MYO1E: variants seen among roughly 807,000 people sequenced by gnomAD.
MYO1E encodes unconventional myosin-Ie.
In MYO1E, 68 loss-of-function variants were observed where a neutral mutation model predicts 151.1. The ratio of observed to expected loss-of-function variants is 0.45; its 90% CI spans 0.37 to 0.55. MYO1E has a LOEUF of 0.55. MYO1E is among the 20% of genes least tolerant of loss of function. The pLI is 0.00. For missense variants in MYO1E, 1,363 were observed against 1,389.3 expected, an observed-to-expected ratio of 0.98 and a Z score of 0.30; for synonymous variants, 601 against 501.7, an observed-to-expected ratio of 1.20 and a Z score of -2.64.
chr15:59,211,831 A>G (rs1037551658), intron 12 of MYO1E, among the ~76,000 whole-genome samples: 3 of 151,700 alleles, frequency 2.0e-5, no homozygotes, highest in African/African-American at 7.3e-5. Context: ...CCCCACCTAC[A>G]CTGCTACCAT....
chr15:59,171,139 T>G (rs1485828903), intron 22 of MYO1E: 1 of 155,802 alleles, frequency 6.4e-6, no homozygotes, highest in Non-Finnish European at 1.5e-5. Context: ...AGTCTAGGAG[T>G]TCTTACCATG....
intron 3 of MYO1E, among the ~76,000 whole-genome samples, chr15:59,256,952 A>G (rs1596387554): frequency 6.6e-6 from 1 of 152,200 alleles, no homozygotes; most frequent in Admixed American, 6.5e-5. Flanking sequence ...CTTTAAAGGG[A>G]TAAGCTAGTT....
intron 4 of MYO1E, among the ~76,000 whole-genome samples, chr15:59,240,780 T>C (rs1463568838): frequency 2.0e-5 from 3 of 152,204 alleles, no homozygotes; most frequent in Non-Finnish European, 4.4e-5. Flanking sequence ...GAAATATCAC[T>C]TTTCCAACTT....
intron 1 of MYO1E, among the ~76,000 whole-genome samples, chr15:59,366,094 C>A (rs1260187688): frequency 6.6e-6 from 1 of 152,124 alleles, no homozygotes; most frequent in African/African-American, 2.4e-5. Context: ...TTCTCTCTGC[C>A]TCAGCCTCCC....
chr15:59,175,538 G>A (rs186402703), intron 19 of MYO1E, among the ~76,000 whole-genome samples: 6 of 152,278 alleles, frequency 3.9e-5, no homozygotes, highest in East Asian at 3.9e-4. Flanking sequence ...GAGGGACCAC[G>A]TAATTCCCCT....
At chr15:59,279,457 A>G (rs879771069) in intron 1 of MYO1E, among the ~76,000 whole-genome samples, 4 of 152,202 alleles carry the variant, frequency 2.6e-5, no homozygotes, top group Non-Finnish European at 4.4e-5. Context: ...ATCTGTGACC[A>G]ACTTGATCTC....
At chr15:59,268,720 A>ATTTTTTTTTTTTTTTTTGTTTTTTTT (rs2080271888) in intron 2 of MYO1E, among the ~76,000 whole-genome samples, 1 of 44,906 alleles carries the variant, frequency 2.2e-5, no homozygotes, top group African/African-American at 5.8e-5. Context: ...TGACTTTGGT[A>ATTTTTTTTTTTTTTTTTGTTTTTTTT]TTTTTTTTTT....
At chr15:59,156,079 G>A (rs2079508105) in intron 25 of MYO1E, among the ~76,000 whole-genome samples, 1 of 152,238 alleles carries the variant, frequency 6.6e-6, no homozygotes, top group Admixed American at 6.5e-5. Context: ...CTGGAGTGCA[G>A]TGGCATGATC....
At chr15:59,225,914 G>A (rs2079988207) in intron 7 of MYO1E, among the ~76,000 whole-genome samples, 1 of 152,028 alleles carries the variant, frequency 6.6e-6, no homozygotes, top group Non-Finnish European at 1.5e-5. Context: ...CCAAAGTGCT[G>A]GGATTACAGG....
chr15:59,274,755 G>A (rs1352411165), intron 1 of MYO1E, among the ~76,000 whole-genome samples: 2 of 152,142 alleles, frequency 1.3e-5, no homozygotes, highest in Admixed American at 6.5e-5. Context: ...ACTGCACAGA[G>A]ACACATTCCT....
chr15:59,151,209 C>A (rs144234658), intron 26 of MYO1E, among the ~76,000 whole-genome samples: 4 of 151,666 alleles, frequency 2.6e-5, no homozygotes, highest in Non-Finnish European at 5.9e-5. Flanking sequence ...AGGCAGATGA[C>A]GAGGTCAAGA....
chr15:59,205,184 C>T (rs1467822275), intron 15 of MYO1E, among the ~76,000 whole-genome samples: 2 of 152,104 alleles, frequency 1.3e-5, no homozygotes, highest in African/African-American at 4.8e-5. Flanking sequence ...ACACAGTGTT[C>T]CTATGTTGCC....
chr15:59,178,801 C>A (rs1391708499), intron 18 of MYO1E, among the ~76,000 whole-genome samples: 1 of 152,230 alleles, frequency 6.6e-6, no homozygotes, highest in South Asian at 2.1e-4. Context: ...AACCTGCGTA[C>A]TCTTTCTACC....
At chr15:59,252,307 G>C (rs1217467676) in intron 4 of MYO1E, among the ~76,000 whole-genome samples, 2 of 152,158 alleles carry the variant, frequency 1.3e-5, no homozygotes, top group Non-Finnish European at 2.9e-5. Flanking sequence ...GCCTAGCGGG[G>C]TGCGGTGCCT....
chr15:59,207,971 T>C, intron 14 of MYO1E: 1 of 1,614,106 alleles, frequency 6.2e-7, no homozygotes, highest in Non-Finnish European at 8.5e-7. Flanking sequence ...CCTTGTATCC[T>C]GGGAGAGAAC....
At chr15:59,175,515 C>T (rs2079619340) in intron 19 of MYO1E, among the ~76,000 whole-genome samples, 1 of 152,108 alleles carries the variant, frequency 6.6e-6, no homozygotes, top group African/African-American at 2.4e-5. Context: ...AACTCAAACT[C>T]CAAACACCAG....
At chr15:59,339,859 T>G (rs2080753142) in intron 1 of MYO1E, among the ~76,000 whole-genome samples, 1 of 151,124 alleles carries the variant, frequency 6.6e-6, no homozygotes, top group Admixed American at 6.6e-5. Context: ...TTTTGTTTTT[T>G]TTTTTTTTGA....
intron 25 of MYO1E, among the ~76,000 whole-genome samples, 199 bp downstream of exon 25, chr15:59,158,088 A>C (rs1174376054): frequency 6.6e-6 from 1 of 152,248 alleles, no homozygotes; most frequent in East Asian, 1.9e-4. Context: ...ACTCAGCCGC[A>C]GTTCAGTCTC....
At position 59,365,996 on chromosome 15, in the gene MYO1E, G is replaced by C. The variant is rs1339164177; in HGVS notation, c.3+6502C>G. The stretch of plus-strand genomic sequence containing the variant: ...TCTTCTTCCCTTCTTTCTCTCTTTT[G>C]AGACAGAGTTTCACTCTTGTTGCCC... On this transcript the variant is annotated intron_variant, in intron 1 of 27. Coordinates refer to ENST00000288235, the MANE Select transcript of MYO1E (RefSeq NM_004998.4). Among the ~76,000 whole-genome samples, 5 of 152,220 alleles carry C rather than the reference G, an allele frequency of 3.3e-5. No individual in the cohort carries two copies. In the East Asian group the frequency reaches 9.6e-4, roughly 29 times the overall value.
Sources: allele counts gnomAD v4.1 joint callset (sites outside exome capture counted in the v4.1 genomes callset), GRCh38; gene constraint gnomAD v4.1.1; transcripts MANE v1.5; gene names NCBI Gene and HGNC (gene_info 2026-07-23, HGNC 2026-07-21).